GRID2: variants seen among roughly 807,000 people sequenced by gnomAD.
The protein encoded by GRID2 is glutamate ionotropic receptor delta type subunit 2.
A neutral mutation model predicts 114.8 loss-of-function variants in GRID2; 33 were observed. The ratio of observed to expected loss-of-function variants is 0.29; its 90% CI spans 0.22 to 0.38. GRID2 has a LOEUF of 0.38. Ranked by LOEUF, GRID2 falls within the 10% of genes least tolerant of loss-of-function variation. The pLI is 1.00. For missense variants in GRID2, 1,184 were observed against 1,257.7 expected (o/e 0.94, Z 0.89); for synonymous variants, 505 against 449.9 (o/e 1.12, Z -1.55).
At chr4:93,270,904 C>T (rs1356668513) in intron 8 of GRID2, among the ~76,000 whole-genome samples, 3 of 152,150 alleles carry the variant, frequency 2.0e-5, no homozygotes, top group Admixed American at 6.6e-5. Flanking sequence ...GCTGGGATTA[C>T]AGGCGTGAGC....
At chr4:93,074,979 T>C (rs1240704057) in intron 2 of GRID2, among the ~76,000 whole-genome samples, 1 of 152,146 alleles carries the variant, frequency 6.6e-6, no homozygotes, top group Admixed American at 6.5e-5. Context: ...TTATAAACTC[T>C]CTCACTACTG....
chr4:92,524,674 T>C (rs997944218), intron 1 of GRID2, among the ~76,000 whole-genome samples: 1 of 152,002 alleles, frequency 6.6e-6, no homozygotes, highest in African/African-American at 2.4e-5. Context: ...TAGTTTCCTG[T>C]GCCATGTAAC....
chr4:93,488,698 C>T (rs758302182), intron 11 of GRID2, among the ~76,000 whole-genome samples: 11 of 151,824 alleles, frequency 7.2e-5, no homozygotes, highest in Non-Finnish European at 1.6e-4. Context: ...AAATTTATTT[C>T]CTCAAAGGTC....
intron 15 of GRID2, among the ~76,000 whole-genome samples, chr4:93,771,682 G>A (rs569384429): frequency 4.6e-5 from 7 of 152,052 alleles, no homozygotes; most frequent in South Asian, 4.2e-4. Flanking sequence ...GGAATGAGAC[G>A]CCCTGAAAAG....
chr4:92,775,810 T>C (rs1265142535), intron 2 of GRID2, among the ~76,000 whole-genome samples: 1 of 152,188 alleles, frequency 6.6e-6, no homozygotes, highest in Non-Finnish European at 1.5e-5. Context: ...TCCTCTATCA[T>C]AACTGTCATC....
At chr4:92,712,018 A>C (rs1168859853) in intron 2 of GRID2, among the ~76,000 whole-genome samples, 1 of 152,224 alleles carries the variant, frequency 6.6e-6, no homozygotes, top group Non-Finnish European at 1.5e-5. Context: ...CTTTTCTTAT[A>C]AGGTAACATA....
At chr4:92,870,334 C>T (rs547035895) in intron 2 of GRID2, among the ~76,000 whole-genome samples, 5 of 151,906 alleles carry the variant, frequency 3.3e-5, no homozygotes, top group Non-Finnish European at 2.9e-5. Flanking sequence ...TCTTCCTCTT[C>T]CACAGGAGTT....
At chr4:92,774,542 C>A (rs1738693485) in intron 2 of GRID2, among the ~76,000 whole-genome samples, 1 of 146,724 alleles carries the variant, frequency 6.8e-6, no homozygotes, top group Non-Finnish European at 1.5e-5. Context: ...AGGAATGAAT[C>A]AAGATATTCT....
chr4:92,504,083 T>G (rs1723829521), intron 1 of GRID2, among the ~76,000 whole-genome samples: 1 of 152,132 alleles, frequency 6.6e-6, no homozygotes, highest in Non-Finnish European at 1.5e-5. Flanking sequence ...GATGGATGAC[T>G]TCATAGAAAA....
At chr4:92,982,414 G>T (rs1269040802) in intron 2 of GRID2, among the ~76,000 whole-genome samples, 1 of 152,036 alleles carries the variant, frequency 6.6e-6, no homozygotes, top group East Asian at 1.9e-4. Flanking sequence ...TTTTAGCAAT[G>T]ACATATTATT....
At chr4:93,708,634 T>TA (rs1227960592) in intron 14 of GRID2, among the ~76,000 whole-genome samples, 2 of 152,126 alleles carry the variant, frequency 1.3e-5, no homozygotes, top group Admixed American at 1.3e-4. Context: ...ACGCTATGTC[T>TA]TTTTATTGGA....
intron 8 of GRID2, among the ~76,000 whole-genome samples, chr4:93,318,187 T>C (rs1457616724): frequency 6.6e-6 from 1 of 151,342 alleles, no homozygotes; most frequent in Non-Finnish European, 1.5e-5. Context: ...GATGTGTGAA[T>C]TTTTTTAGTA....
chr4:92,318,309 T>TATATATA (rs1491453818), intron 1 of GRID2, among the ~76,000 whole-genome samples: 199 of 113,284 alleles, frequency 1.8e-3, no homozygotes, highest in African/African-American at 7.1e-3. Context: ...TATATATATA[T>TATATATA]TTTTTTTTTT....
At chr4:92,612,640 T>G (rs973608373) in intron 2 of GRID2, among the ~76,000 whole-genome samples, 2 of 151,540 alleles carry the variant, frequency 1.3e-5, no homozygotes, top group Admixed American at 1.3e-4. Flanking sequence ...AAAGATTTTT[T>G]TGGCTTTCAT....
At chr4:92,624,843 T>A (rs575581545) in intron 2 of GRID2, among the ~76,000 whole-genome samples, 5 of 151,860 alleles carry the variant, frequency 3.3e-5, no homozygotes, top group South Asian at 4.1e-4. Flanking sequence ...AGGAAAAAAA[T>A]TTGAAGAGTA....
chr4:92,500,954 T>C (rs1395820106), intron 1 of GRID2, among the ~76,000 whole-genome samples: 2 of 152,160 alleles, frequency 1.3e-5, no homozygotes, highest in East Asian at 3.9e-4. Flanking sequence ...TTCTGTTCTT[T>C]GTTGCTTATC....
chr4:92,405,802 A>G (rs1368878589), intron 1 of GRID2, among the ~76,000 whole-genome samples: 1 of 152,130 alleles, frequency 6.6e-6, no homozygotes, highest in Non-Finnish European at 1.5e-5. Context: ...AAGTATTTTT[A>G]GAAATACGGT....
chr4:92,643,446 C>A (rs571713603), intron 2 of GRID2, among the ~76,000 whole-genome samples: 103 of 151,798 alleles, frequency 6.8e-4, no homozygotes, highest in African/African-American at 2.3e-3. Flanking sequence ...AAAGACTCTG[C>A]CAAAAGGCTG....
In GRID2 at chr4:93,110,760, T is replaced by C; in HGVS notation, c.542T>C (p.Ile181Thr). Residue 181 changes from isoleucine (I) to threonine (T), a missense_variant, in exon 4 of 16, where the codon ATA becomes ACA. By Grantham distance (89) the Ile-to-Thr change is moderately conservative (BLOSUM62 -1). Coordinates refer to ENST00000282020, the MANE Select transcript of GRID2 (RefSeq NM_001510.4). ...TTGATGTTTCCAGATATCCGTGGAA[T>C]ACAGGAGTTCTTGGACAAAGTCTCT... Reference protein sequence around the residue: ...FYDSEYDIRGIQEFLDKVSQQ... With the variant: ...FYDSEYDIRGTQEFLDKVSQQ... 3.1e-6 allele frequency: 5 copies of C among 1,608,372 alleles called. No individual in the cohort carries two copies. The highest frequency in any genetic ancestry group is 4.3e-6 in the Non-Finnish European group (5 of 1,174,688).
Sources: allele counts gnomAD v4.1 joint callset (sites outside exome capture counted in the v4.1 genomes callset), GRCh38; gene constraint gnomAD v4.1.1; transcripts MANE v1.5; gene names NCBI Gene and HGNC (gene_info 2026-07-23, HGNC 2026-07-21).